PCLO: variants seen among roughly 807,000 people sequenced by gnomAD.
The protein encoded by PCLO is protein piccolo.
In PCLO, 82 loss-of-function variants were observed where a neutral mutation model predicts 427.5. That is an observed-to-expected ratio of 0.19 (90% CI 0.16 to 0.23). The LOEUF is 0.23. PCLO is among the 10% of genes least tolerant of loss of function. The pLI, the probability that PCLO is intolerant of heterozygous loss-of-function variation, is 1.00. For missense variants in PCLO, 6,239 were observed against 6,115.9 expected (o/e 1.02, Z -0.67); for synonymous variants, 2,357 against 2,155.4 (o/e 1.09, Z -2.59).
Position 82,952,484 on chromosome 7 carries a change from T to G in PCLO, c.8469A>C (p.Pro2823=). 6.2e-7 allele frequency: 1 copy of G among 1,613,800 alleles called. No individual in the cohort carries two copies. Among genetic ancestry groups the G allele is most frequent in the Non-Finnish European group, 8.5e-7 (1 of 1,179,818 alleles). Residue 2823 remains proline (P), a synonymous_variant, in exon 5 of 25, where the codon CCA becomes CCC. Coordinates refer to ENST00000333891, the MANE Select transcript of PCLO (RefSeq NM_033026.6). ...LVGAEHAMTT[P]LQLTTSKHAE... The stretch of plus-strand genomic sequence containing the variant: ...CATGCTTTGATGTTGTAAGTTGGAG[T>G]GGTGTTGTCATTGCATGTTCTGCAC...
At chr7:83,151,038 C>T (rs1418609140) in intron 2 of PCLO, among the ~76,000 whole-genome samples, 2 of 152,124 alleles carry the variant, frequency 1.3e-5, no homozygotes, top group African/African-American at 4.8e-5. Flanking sequence ...ACCTTATCTC[C>T]TGTAACAGAA....
chr7:83,135,384 C>T lies in PCLO; in HGVS notation c.2166G>A (p.Gln722=). 1 of 1,613,890 alleles carries T rather than the reference C, an allele frequency of 6.2e-7. No homozygotes were observed. The highest frequency in any genetic ancestry group is 8.5e-7 in the Non-Finnish European group (1 of 1,179,870). ...LHGSPSAKAK[Q]PPEADSLSKP... is the part of the protein sequence containing the mutation. ...TGGACAAAGAATCTGCCTCAGGGGG[C>T]TGCTTGGCCTTGGCTGAAGGAGAGC... The change falls in exon 3 of 25, where the codon CAG becomes CAA. Residue 722 remains glutamine (Q), a synonymous_variant. Transcript: ENST00000333891.
At chr7:82,896,289 C>T (rs941863889) in intron 9 of PCLO, among the ~76,000 whole-genome samples, 3 of 151,654 alleles carry the variant, frequency 2.0e-5, no homozygotes, top group African/African-American at 7.3e-5. Flanking sequence ...ACTTTTTAAA[C>T]AATGGAACAT....
chr7:83,161,168 A>G (rs1792426425), intron 1 of PCLO, among the ~76,000 whole-genome samples: 1 of 152,198 alleles, frequency 6.6e-6, no homozygotes, highest in Non-Finnish European at 1.5e-5. Flanking sequence ...ACTATCCATA[A>G]AACATTTTAC....
intron 3 of PCLO, among the ~76,000 whole-genome samples, chr7:83,097,329 T>A (rs1790613508): frequency 6.9e-6 from 1 of 143,902 alleles, no homozygotes; most frequent in Non-Finnish European, 1.5e-5. Flanking sequence ...AAGACCATCC[T>A]GGCTAAAACG....
At chr7:83,091,150 T>C (rs1181102402) in intron 3 of PCLO, among the ~76,000 whole-genome samples, 1 of 152,134 alleles carries the variant, frequency 6.6e-6, no homozygotes, top group Admixed American at 6.5e-5. Context: ...AGAATATGTG[T>C]GCATACATGT....
chr7:82,963,857 T>A (rs10226833), intron 4 of PCLO, among the ~76,000 whole-genome samples: 11,200 of 151,764 alleles, frequency 0.074, 1,404 homozygotes, highest in African/African-American at 0.26. Context: ...ATAAAATTTA[T>A]AAATACATAT....
intron 3 of PCLO, among the ~76,000 whole-genome samples, chr7:82,999,626 A>T (rs1345175078): frequency 1.6e-5 from 1 of 64,102 alleles, no homozygotes; most frequent in Non-Finnish European, 2.3e-5. Context: ...ATAAAATATA[A>T]TATTATATTA....
At chr7:82,990,429 A>G (rs921557246) in intron 3 of PCLO, among the ~76,000 whole-genome samples, 3 of 152,102 alleles carry the variant, frequency 2.0e-5, no homozygotes, top group African/African-American at 7.2e-5. Context: ...CTGTACTCTC[A>G]CCTTTTATAT....
intron 3 of PCLO, among the ~76,000 whole-genome samples, chr7:83,022,897 TG>T (rs1788381216): frequency 6.6e-6 from 1 of 152,212 alleles, no homozygotes; most frequent in African/African-American, 2.4e-5. Flanking sequence ...GGACAAAAGT[TG>T]AAACATAATA....
intron 6 of PCLO, among the ~76,000 whole-genome samples, chr7:82,924,824 A>C (rs1223407858): frequency 6.6e-6 from 1 of 152,128 alleles, no homozygotes; most frequent in East Asian, 1.9e-4. Flanking sequence ...AAGGAATTAG[A>C]ACAAAAAAAT....
intron 3 of PCLO, among the ~76,000 whole-genome samples, chr7:83,104,420 A>G (rs1790805615): frequency 6.6e-6 from 1 of 152,022 alleles, no homozygotes; most frequent in South Asian, 2.1e-4. Flanking sequence ...ACATAAATCC[A>G]TGAACCAGAT....
intron 3 of PCLO, among the ~76,000 whole-genome samples, chr7:83,133,498 C>T (rs571979385): frequency 6.6e-5 from 10 of 152,038 alleles, no homozygotes; most frequent in African/African-American, 1.7e-4. Flanking sequence ...ATTAGAAATT[C>T]GTCGTCTGCT....
chr7:83,042,703 A>G (rs1188696778), intron 3 of PCLO, among the ~76,000 whole-genome samples: 1 of 152,160 alleles, frequency 6.6e-6, no homozygotes, highest in Non-Finnish European at 1.5e-5. Flanking sequence ...TCTACTAAAA[A>G]TACAAAATAT....
At chr7:82,825,838 TATA>T (rs1338684006) in intron 18 of PCLO, among the ~76,000 whole-genome samples, 2 of 148,086 alleles carry the variant, frequency 1.4e-5, no homozygotes, top group Non-Finnish European at 1.5e-5. Context: ...ATATATAACA[TATA>T]ATGTAAATGT....
At chr7:82,777,531 G>T (rs1790780446) in intron 22 of PCLO, among the ~76,000 whole-genome samples, 1 of 152,134 alleles carries the variant, frequency 6.6e-6, no homozygotes, top group Admixed American at 6.5e-5. Flanking sequence ...AACCAAAACA[G>T]CATGGCACTG....
At chr7:83,052,985 A>G (rs1405811612) in intron 3 of PCLO, among the ~76,000 whole-genome samples, 1 of 151,984 alleles carries the variant, frequency 6.6e-6, no homozygotes, top group Non-Finnish European at 1.5e-5. Flanking sequence ...TTTAAAAGCC[A>G]AATAATATCC....
At chr7:83,087,178 A>G (rs968330464) in intron 3 of PCLO, among the ~76,000 whole-genome samples, 1 of 151,740 alleles carries the variant, frequency 6.6e-6, no homozygotes, top group African/African-American at 2.4e-5. Context: ...ACATGTAACA[A>G]ATTTGCACGT....
chr7:82,985,714 G>C (rs1796241580), intron 3 of PCLO, among the ~76,000 whole-genome samples: 1 of 151,784 alleles, frequency 6.6e-6, no homozygotes, highest in Admixed American at 6.6e-5. Context: ...GATCAAATAG[G>C]AAAAATAAAA....
Sources: gnomAD v4.1 joint callset for allele counts (sites outside exome capture counted in the v4.1 genomes callset) on GRCh38, gnomAD v4.1.1 for gene constraint, MANE v1.5 for transcripts, NCBI Gene and HGNC (gene_info 2026-07-23, HGNC 2026-07-21) for gene names.